CTNND2: variants seen among roughly 807,000 people sequenced by gnomAD.
CTNND2 encodes the protein catenin delta-2.
Under a neutral mutation model 144.4 loss-of-function variants are expected in CTNND2, and 22 were observed. The ratio of observed to expected loss-of-function variants is 0.15; its 90% confidence interval spans 0.11 to 0.22. The LOEUF is 0.22. Ranked by LOEUF, CTNND2 falls within the 10% of genes least tolerant of loss-of-function variation. The probability of loss-of-function intolerance (pLI) is 1.00; values close to 1 mark genes in which losing one functional copy is unlikely to be tolerated. For synonymous variants in CTNND2, 751 were observed against 695.6 expected, an observed-to-expected ratio of 1.08 and a Z score of -1.25; for missense variants, 1,353 against 1,618.8, an observed-to-expected ratio of 0.84 and a Z score of 2.82.
intron 1 of CTNND2, among the ~76,000 whole-genome samples, chr5:11,898,844 T>G (rs2126335390): frequency 6.6e-6 from 1 of 152,298 alleles, no homozygotes; most frequent in East Asian, 1.9e-4. Context: ...GAAGATAAAT[T>G]TGTCCCCCAT....
chr5:11,836,159 T>C (rs1794163487), intron 1 of CTNND2, among the ~76,000 whole-genome samples: 2 of 152,150 alleles, frequency 1.3e-5, no homozygotes, highest in African/African-American at 2.4e-5. Context: ...CACCACTCCA[T>C]GTTGGTTGGG....
Position 11,509,096 on chromosome 5 carries a change from G to C in CTNND2, c.287+55848C>G, listed in dbSNP as rs189336438. On this transcript the variant is annotated intron_variant, in intron 3 of 21. Transcript: ENST00000304623. ...TTTTTGATACTTTTGAATTTTGTAA[G>C]GACAAAACCCAATCAACTGCTTTAA... Among the ~76,000 whole-genome samples the C allele has an allele frequency of 4.2e-3, 633 of 152,210 alleles. 1 individual carries two copies. Among genetic ancestry groups the C allele is most frequent in the Non-Finnish European group, 7.6e-3 (517 of 68,012 alleles).
chr5:11,754,196 T>C (rs985696813), intron 1 of CTNND2, among the ~76,000 whole-genome samples: 2 of 151,804 alleles, frequency 1.3e-5, no homozygotes, highest in Non-Finnish European at 2.9e-5. Context: ...ATTTTGGTTA[T>C]GTCTTATCTT....
At chr5:11,306,871 A>C (rs16901472) in intron 9 of CTNND2, among the ~76,000 whole-genome samples, 32,818 of 152,104 alleles carry the variant, frequency 0.22, 3,727 homozygotes, top group Middle Eastern at 0.27. Context: ...CAACTCCCTC[A>C]TTCTGCCTCA....
At chr5:11,357,446 C>T (rs1436383643) in intron 8 of CTNND2, among the ~76,000 whole-genome samples, 1 of 152,062 alleles carries the variant, frequency 6.6e-6, no homozygotes, top group Admixed American at 6.6e-5. Flanking sequence ...ACAAATACCA[C>T]AGGATCTCAC....
chr5:11,046,807 G>A (rs1745310318), intron 16 of CTNND2, among the ~76,000 whole-genome samples: 1 of 152,130 alleles, frequency 6.6e-6, no homozygotes. Flanking sequence ...ACTGGATTCT[G>A]TTTTGTCCAA....
intron 9 of CTNND2, among the ~76,000 whole-genome samples, chr5:11,248,177 T>G (rs187512786): frequency 6.6e-6 from 1 of 152,136 alleles, no homozygotes; most frequent in Non-Finnish European, 1.5e-5. Flanking sequence ...GGGAAGGGAT[T>G]TGATGCCCAA....
intron 2 of CTNND2, among the ~76,000 whole-genome samples, chr5:11,671,928 G>C (rs1783893212): frequency 6.6e-6 from 1 of 152,104 alleles, no homozygotes; most frequent in East Asian, 1.9e-4. Context: ...ATCTACCTTT[G>C]GTCTCTGAAG....
chr5:11,163,964 G>A (rs181049192), intron 11 of CTNND2, among the ~76,000 whole-genome samples: 50 of 152,250 alleles, frequency 3.3e-4, no homozygotes, highest in Admixed American at 1.6e-3. Flanking sequence ...TGTGTTTGGA[G>A]GGCTGGAGTC....
intron 12 of CTNND2, among the ~76,000 whole-genome samples, chr5:11,144,891 T>C (rs1203987643): frequency 6.6e-6 from 1 of 152,134 alleles, no homozygotes; most frequent in East Asian, 1.9e-4. Context: ...TCTCCCCTTA[T>C]CGTTCCCAAC....
intron 12 of CTNND2, among the ~76,000 whole-genome samples, chr5:11,125,693 AC>A (rs550082163): frequency 1.3e-5 from 2 of 152,260 alleles, no homozygotes; most frequent in South Asian, 4.1e-4. Flanking sequence ...AGAAGGTTTC[AC>A]AGTAGCATTG....
intron 3 of CTNND2, among the ~76,000 whole-genome samples, chr5:11,508,945 T>C (rs2150021803): frequency 6.6e-6 from 1 of 152,240 alleles, no homozygotes; most frequent in African/African-American, 2.4e-5. Context: ...ACAACACAGT[T>C]TTCAAGTCAT....
At chr5:11,068,206 T>C (rs1747827236) in intron 16 of CTNND2, among the ~76,000 whole-genome samples, 1 of 152,220 alleles carries the variant, frequency 6.6e-6, no homozygotes. Context: ...TTATTTATGA[T>C]GGATCTTACA....
chr5:11,272,290 T>C (rs1260850459), intron 9 of CTNND2, among the ~76,000 whole-genome samples: 4 of 152,210 alleles, frequency 2.6e-5, no homozygotes, highest in African/African-American at 9.6e-5. Context: ...GATTATTTTA[T>C]ATCCATCAAT....
chr5:11,262,231 C>T (rs999673663), intron 9 of CTNND2, among the ~76,000 whole-genome samples: 3 of 152,102 alleles, frequency 2.0e-5, no homozygotes, highest in African/African-American at 7.2e-5. Flanking sequence ...CAGTAACTGA[C>T]CCACCAAAAG....
chr5:11,438,480 T>C (rs1278042382), intron 3 of CTNND2, among the ~76,000 whole-genome samples: 1 of 152,192 alleles, frequency 6.6e-6, no homozygotes, highest in Non-Finnish European at 1.5e-5. Flanking sequence ...AAGCAGATGG[T>C]CCCATATTAA....
At chr5:11,060,124 C>T (rs192982582) in intron 16 of CTNND2, among the ~76,000 whole-genome samples, 95 of 152,236 alleles carry the variant, frequency 6.2e-4, no homozygotes, top group Middle Eastern at 6.8e-3. Context: ...AAGCCATGCA[C>T]ACAGCTGAAA....
intron 3 of CTNND2, among the ~76,000 whole-genome samples, chr5:11,431,025 A>G (rs1411124873): frequency 1.3e-5 from 2 of 152,240 alleles, no homozygotes; most frequent in Non-Finnish European, 2.9e-5. Flanking sequence ...CAATGAATCT[A>G]TACTGCCTAT....
intron 2 of CTNND2, among the ~76,000 whole-genome samples, chr5:11,614,419 C>T (rs1384268921): frequency 6.6e-6 from 1 of 151,952 alleles, no homozygotes; most frequent in Admixed American, 6.6e-5. Flanking sequence ...CCAAGTGATG[C>T]AAAAAAATGT....
Sources: allele counts gnomAD v4.1 joint callset (sites outside exome capture counted in the v4.1 genomes callset), GRCh38; gene constraint gnomAD v4.1.1; transcripts MANE v1.5; gene names NCBI Gene and HGNC (gene_info 2026-07-23, HGNC 2026-07-21).